Variants in TBX1 observed in about 807,000 individuals in gnomAD.
TBX1 encodes the protein T-box transcription factor TBX1.
A neutral mutation model predicts 40.8 loss-of-function variants in TBX1; 16 were observed. The observed-to-expected ratio is 0.39, with a 90% CI of 0.27 to 0.60. The LOEUF is 0.60. TBX1 is among the 20% of genes least tolerant of loss of function. The pLI, the probability that TBX1 is intolerant of heterozygous loss-of-function variation, is 0.51. For synonymous variants in TBX1, 403 were observed against 336.8 expected (o/e 1.20, Z -2.15); for missense variants, 755 against 728.5 (o/e 1.04, Z -0.42).
downstream of TBX1, chr22:19,783,567 GAAAA>G (rs1937163017): frequency 6.1e-6 from 1 of 163,334 alleles, no homozygotes; most frequent in Non-Finnish European, 1.3e-5. Flanking sequence ...TCTCTTAAAA[GAAAA>G]AACAAACAAA....
chr22:19,763,180 G>A (rs1464523737), intron 1 of TBX1, 61 bp from the exon 2 acceptor site: 8 of 1,413,342 alleles, frequency 5.7e-6, no homozygotes, highest in Admixed American at 5.1e-5. Flanking sequence ...GCCAGCCCCA[G>A]GCAGGTCAAG....
At chr22:19,756,914 G>T (rs1040847195), upstream of TBX1, among the ~76,000 whole-genome samples, 3 of 151,814 alleles carry the variant, frequency 2.0e-5, no homozygotes, top group African/African-American at 4.8e-5. Context: ...GCGGGTGGCG[G>T]GGTGGCGGGG....
intron 8 of TBX1, chr22:19,779,132 G>C: frequency 6.8e-7 from 1 of 1,476,402 alleles, no homozygotes; most frequent in Non-Finnish European, 9.4e-7. Flanking sequence ...TCAGACACTG[G>C]ACATTTGTGC....
intron 5 of TBX1, 22 bp from the exon 6 acceptor site, chr22:19,765,880 C>G: frequency 6.4e-7 from 1 of 1,552,812 alleles, no homozygotes; most frequent in Non-Finnish European, 8.7e-7. Flanking sequence ...AGGCGCCGCC[C>G]TGATCCGCCT....
At chr22:19,773,428 T>A (rs1937019815) in intron 8 of TBX1, among the ~76,000 whole-genome samples, 1 of 152,144 alleles carries the variant, frequency 6.6e-6, no homozygotes, top group African/African-American at 2.4e-5. Flanking sequence ...AGCCTAGTTA[T>A]GAGAGAGACT....
chr22:19,761,256 A>G lies in TBX1; in HGVS notation c.413A>G (p.Glu138Gly). 6.4e-7 allele frequency: 1 copy of G among 1,565,468 alleles called. No individual in the cohort carries two copies. The highest frequency in any genetic ancestry group is 8.7e-7 in the Non-Finnish European group (1 of 1,154,180). The change falls in exon 1 of 7, where the codon GAG (glutamate) becomes GGG (glycine). Residue 138 changes from glutamate to glycine, a missense_variant. By Grantham distance (98) the Glu-to-Gly change is moderately conservative (BLOSUM62 -2). Transcript: ENST00000649276. ...GACGAGTTCAACCAGCTGGGCACCG[A>G]GATGATCGTCACCAAGGCCGGCAGG... ...LWDEFNQLGTEMIVTKAGRRM... is the reference protein window; with the variant it reads ...LWDEFNQLGTGMIVTKAGRRM...
At chr22:19,768,840 A>G (rs531773361), downstream of TBX1, among the ~76,000 whole-genome samples, 1 of 150,706 alleles carries the variant, frequency 6.6e-6, no homozygotes, top group Admixed American at 6.6e-5. Context: ...AAGGACCCTG[A>G]GTGTGCAGCA....
chr22:19,781,627 A>C (rs1448843622), downstream of TBX1, among the ~76,000 whole-genome samples: 4 of 152,190 alleles, frequency 2.6e-5, no homozygotes, highest in Non-Finnish European at 4.4e-5. Context: ...GCTAAATTCA[A>C]TGTCATGAAG....
chr22:19,758,817 A>G (rs1306465815), upstream of TBX1, among the ~76,000 whole-genome samples: 2 of 152,190 alleles, frequency 1.3e-5, no homozygotes, highest in Non-Finnish European at 2.9e-5. Context: ...CAGCCTGGGC[A>G]GCGTCCCTCT....
At chr22:19,783,304 C>T, downstream of TBX1, 1 of 427,606 alleles carries the variant, frequency 2.3e-6, no homozygotes, top group Admixed American at 3.5e-5. Context: ...CTACACCCCA[C>T]ATTTTACAGG....
downstream of TBX1, chr22:19,782,825 A>T: frequency 6.2e-7 from 1 of 1,610,284 alleles, no homozygotes; most frequent in Non-Finnish European, 8.5e-7. Context: ...AAGAGAAACA[A>T]GGACAAGCCT....
Position 19,767,184 on chromosome 22 carries a change from C to G in TBX1, c.*317C>G, listed in dbSNP as rs1048715559. 4 of 1,122,202 alleles carry G rather than the reference C, an allele frequency of 3.6e-6. No homozygotes were observed. Among genetic ancestry groups the G allele is most frequent in the Non-Finnish European group, 4.4e-6 (4 of 917,772 alleles). 69.5% of individuals were successfully genotyped at this position (1,122,202 alleles called of 1,614,324 possible). On this transcript the variant is annotated 3_prime_UTR_variant, in exon 7 of 7. Coordinates refer to ENST00000649276, the MANE Select transcript of TBX1 (RefSeq NM_001379200.1). ...AGGAAGTGATATTTATTGTTCTCCC[C>G]GAGACCGCGTCGCCCGCGGCCCGGC...
At chr22:19,769,463 G>A (rs928830761), downstream of TBX1, among the ~76,000 whole-genome samples, 28 of 152,360 alleles carry the variant, frequency 1.8e-4, no homozygotes, top group African/African-American at 6.3e-4. Flanking sequence ...AGAACTTCTT[G>A]TAAATGAGAG....
chr22:19,762,442 CACT>C (rs933568329), intron 1 of TBX1, among the ~76,000 whole-genome samples: 2 of 152,246 alleles, frequency 1.3e-5, no homozygotes, highest in Non-Finnish European at 2.9e-5. Flanking sequence ...GCCCCACGGC[CACT>C]ACTGCTGTGC....
upstream of TBX1, among the ~76,000 whole-genome samples, chr22:19,760,345 G>T (rs944187263): frequency 6.7e-6 from 1 of 150,046 alleles, no homozygotes; most frequent in Non-Finnish European, 1.5e-5. Context: ...GAGGAAAAGG[G>T]GAAGAGGCGG....
upstream of TBX1, chr22:19,759,555 C>T: frequency 6.4e-7 from 1 of 1,571,198 alleles, no homozygotes; most frequent in Non-Finnish European, 8.6e-7. Flanking sequence ...TCTCTGGTTG[C>T]AGCGGAGGCG....
At chr22:19,760,130 G>C (rs1342422120), upstream of TBX1, among the ~76,000 whole-genome samples, 3 of 150,994 alleles carry the variant, frequency 2.0e-5, no homozygotes, top group African/African-American at 7.3e-5. Context: ...TAAAAAGCAA[G>C]AGCGAAAGAG....
intron 8 of TBX1, among the ~76,000 whole-genome samples, chr22:19,773,035 C>T (rs949392914): frequency 2.0e-5 from 3 of 152,204 alleles, no homozygotes; most frequent in African/African-American, 4.8e-5. Context: ...ACAGGAAGCC[C>T]GGGCACCGCA....
In TBX1 at chr22:19,766,814, T is replaced by C. The variant is rs746250147; in HGVS notation, c.1462T>C (p.Tyr488His). The change falls in exon 7 of 7, where the codon TAC becomes CAC. Residue 488 changes from tyrosine (Y) to histidine (H), a missense_variant. Physicochemically the swap from Tyr to His is moderately conservative, Grantham distance 83. Around this residue, in one of 3 missense-constraint regions of TBX1, gnomAD observed 412 missense variants for 317.6 expected, o/e 1.30. Coordinates refer to ENST00000649276, the MANE Select transcript of TBX1 (RefSeq NM_001379200.1). ...CGCAGCTGCCGCGGCCGCCAACATG[T>C]ACTCGTCGGCCGGAGCCGCGCCGCC... ...AAAAAAAANMYSSAGAAPPGS... is the reference protein window; with the variant it reads ...AAAAAAAANMHSSAGAAPPGS... 13 of 1,556,350 alleles carry C rather than the reference T, an allele frequency of 8.4e-6. No individual in the cohort carries two copies. The Admixed American group carries it at 2.0e-4, about 24-fold the overall frequency.
Sources: gnomAD v4.1 joint callset for allele counts (sites outside exome capture counted in the v4.1 genomes callset) on GRCh38, gnomAD v4.1.1 for gene constraint, gnomAD v4.1.1 regional missense constraint, MANE v1.5 for transcripts, NCBI Gene and HGNC (gene_info 2026-07-23, HGNC 2026-07-21) for gene names.